ZFR2: variants seen among roughly 807,000 people sequenced by gnomAD.
The protein encoded by ZFR2 is zinc finger RNA-binding protein 2.
In ZFR2, 104 loss-of-function variants were observed where a neutral mutation model predicts 105.7. The ratio of observed to expected loss-of-function variants is 0.98; its 90% CI spans 0.84 to 1.16. The LOEUF (loss-of-function observed/expected upper bound fraction) is 1.16. Among genes scored for constraint, ZFR2 ranks in the 50% most tolerant of loss-of-function variants. ZFR2 has a pLI of 0.00. For synonymous variants in ZFR2, 634 were observed against 597.7 expected (o/e 1.06, Z -0.89); for missense variants, 1,425 against 1,355.5 (o/e 1.05, Z -0.80).
intron 17 of ZFR2, 35 bp downstream of exon 17, chr19:3,808,837 G>A (rs1258989888): frequency 2.7e-6 from 4 of 1,502,982 alleles, no homozygotes; most frequent in African/African-American, 2.8e-5. Context: ...GCGATTTGCC[G>A]CCCACCTCCT....
chr19:3,859,531 G>A (rs890283818), intron 1 of ZFR2, among the ~76,000 whole-genome samples: 6 of 152,276 alleles, frequency 3.9e-5, no homozygotes, highest in East Asian at 1.9e-4. Flanking sequence ...ACTGACTTCC[G>A]TGCCCCGGGA....
intron 1 of ZFR2, among the ~76,000 whole-genome samples, chr19:3,860,197 ATT>A (rs113571842): frequency 0.23 from 31,446 of 134,780 alleles, 3,767 homozygotes; most frequent in East Asian, 0.38. Context: ...TGCCTGGCTA[ATT>A]TTTTTTTTTT....
In ZFR2 at chr19:3,862,479, A is replaced by G. The variant is rs565916722; in HGVS notation, c.53+6486T>C. On this transcript the variant is annotated intron_variant, in intron 1 of 18. Transcript: ENST00000262961. ...CACCCAGGTAATTTTTGGATTTTCAATTGAGATGGGGTTTCACCATGTTGG... is the reference window on the plus strand; with the variant it reads ...CACCCAGGTAATTTTTGGATTTTCAGTTGAGATGGGGTTTCACCATGTTGG... 9.2e-5 allele frequency among the ~76,000 whole-genome samples: 14 copies of G among 152,154 alleles called. No individual in the cohort carries two copies. In the East Asian group the frequency reaches 2.3e-3, roughly 25 times the overall value.
intron 1 of ZFR2, chr19:3,855,389 G>C: frequency 1.6e-6 from 2 of 1,231,708 alleles, no homozygotes; most frequent in Non-Finnish European, 2.0e-6. Context: ...GAAATTCTGT[G>C]TGTACAAAAT....
In ZFR2 at chr19:3,813,819, C is replaced by A. The variant is rs747638720; in HGVS notation, c.2242+1G>T. ...GGTTGGAAGGAAGGGCTGGGCCGCA[C>A]CTGGGTCTGTGGAGGGGTCCTCCCG... On this transcript the variant is annotated splice_donor_variant, in intron 14 of 18. Transcript: ENST00000262961. LOFTEE classifies it high-confidence loss of function. This position sits in a 1 kb window ranked among gnomAD's most constrained non-coding sequence, Gnocchi z 4.4. The A allele has an allele frequency of 6.2e-7, 1 of 1,613,626 alleles. No individual in the cohort carries two copies. Among genetic ancestry groups the A allele is most frequent in the South Asian group, 1.1e-5 (1 of 91,074 alleles).
intron 1 of ZFR2, among the ~76,000 whole-genome samples, chr19:3,836,391 C>T (rs576496926): frequency 1.3e-5 from 2 of 152,264 alleles, no homozygotes; most frequent in Admixed American, 1.3e-4. Context: ...GTGCTACGAT[C>T]ACAGCCCACT....
chr19:3,834,800 G>A lies in ZFR2; in HGVS notation c.237C>T (p.Pro79=), dbSNP rs779729438. ...AYGSRPQEPV[P]TATTMATYQD... Reference sequence around the variant, plus strand: ...GGTAGGTAGCCATGGTGGTGGCCGTGGGGACGGGCTCCTGGGGTCGGCTGC... The same window carrying A: ...GGTAGGTAGCCATGGTGGTGGCCGTAGGGACGGGCTCCTGGGGTCGGCTGC... The change falls in exon 2 of 19, where the codon CCC becomes CCT. Residue 79 remains proline, a synonymous_variant. Transcript: ENST00000262961. The surrounding 1 kb of genome is among the most constrained non-coding windows in gnomAD (Gnocchi z 5.3). The A allele has an allele frequency of 9.3e-6, 15 of 1,612,426 alleles. No individual in the cohort carries two copies. Among genetic ancestry groups the A allele is most frequent in the East Asian group, 2.2e-5 (1 of 44,874 alleles).
At chr19:3,844,953 G>C (rs1254378988) in intron 1 of ZFR2, among the ~76,000 whole-genome samples, 1 of 152,200 alleles carries the variant, frequency 6.6e-6, no homozygotes, top group Non-Finnish European at 1.5e-5. Flanking sequence ...GGGCTGCAGG[G>C]TTGCCCCAGG....
In ZFR2 at chr19:3,832,635, T is replaced by A. The variant is rs921233418; in HGVS notation, c.380-757A>T. Among the ~76,000 whole-genome samples, 415 of 145,852 alleles carry A rather than the reference T, an allele frequency of 2.8e-3. 2 individuals carry two copies. Among genetic ancestry groups the A allele is most frequent in the African/African-American group, 0.011 (392 of 36,736 alleles). ...GCACCCGGCCTTTATTTTGTTTTTTTTTTTTATTTTTTATTTTTTAGAGAC... is the reference window on the plus strand; with the variant it reads ...GCACCCGGCCTTTATTTTGTTTTTTATTTTTATTTTTTATTTTTTAGAGAC... On this transcript the variant is annotated intron_variant, in intron 3 of 18. Transcript: ENST00000262961.
intron 1 of ZFR2, among the ~76,000 whole-genome samples, chr19:3,855,977 C>A: frequency 6.6e-6 from 1 of 152,186 alleles, no homozygotes; most frequent in Non-Finnish European, 1.5e-5. Flanking sequence ...GGAGGAGGGA[C>A]ATGGGCTACG....
chr19:3,808,136 T>G (rs1238924620), intron 17 of ZFR2, among the ~76,000 whole-genome samples: 1 of 149,852 alleles, frequency 6.7e-6, no homozygotes, highest in Non-Finnish European at 1.5e-5. Context: ...CCCGTGCGTA[T>G]GTGTGCCCGT....
chr19:3,845,434 C>A, intron 1 of ZFR2, among the ~76,000 whole-genome samples: 1 of 149,272 alleles, frequency 6.7e-6, no homozygotes, highest in Non-Finnish European at 1.5e-5. Flanking sequence ...CCAGCCTGGG[C>A]AACATAGTGC....
chr19:3,860,706 A>G (rs1269582363), intron 1 of ZFR2, among the ~76,000 whole-genome samples: 1 of 152,156 alleles, frequency 6.6e-6, no homozygotes, highest in Non-Finnish European at 1.5e-5. Context: ...CAGACGCAGG[A>G]CAAGCGACAG....
intron 1 of ZFR2, among the ~76,000 whole-genome samples, chr19:3,843,969 A>T (rs1170256128): frequency 7.9e-6 from 1 of 126,458 alleles, no homozygotes; most frequent in Non-Finnish European, 1.6e-5. Flanking sequence ...CAGTCCTAGG[A>T]GGTCCCTAGA....
At chr19:3,812,031 C>T (rs1331868235) in intron 14 of ZFR2, among the ~76,000 whole-genome samples, 2 of 152,070 alleles carry the variant, frequency 1.3e-5, no homozygotes, top group African/African-American at 2.4e-5. Context: ...GCAACCTCCG[C>T]CTCTCGGGTT....
At chr19:3,861,489 G>A (rs1015504486) in intron 1 of ZFR2, among the ~76,000 whole-genome samples, 3 of 151,822 alleles carry the variant, frequency 2.0e-5, no homozygotes, top group African/African-American at 7.3e-5. Context: ...AGCCTGGTGT[G>A]GTGGTGTTTA....
intron 1 of ZFR2, among the ~76,000 whole-genome samples, chr19:3,868,204 C>G (rs573937017): frequency 6.8e-6 from 1 of 146,662 alleles, no homozygotes; most frequent in Admixed American, 6.7e-5. Context: ...TCTCTCTTAC[C>G]CCCATCAGGG....
chr19:3,823,462 G>C lies in ZFR2; in HGVS notation c.1214-59C>G, dbSNP rs777764847. 1.3e-6 allele frequency: 2 copies of C among 1,512,170 alleles called. No homozygotes were observed. Among genetic ancestry groups the C allele is most frequent in the African/African-American group, 1.4e-5 (1 of 72,182 alleles). 93.7% of individuals were successfully genotyped at this position (1,512,170 alleles called of 1,614,324 possible). ...TCCAGGAGAAAGCACTGCAGCTGCA[G>C]ACCCGCCAGGCGGCATGGGGTGGAG... On this transcript the variant is annotated intron_variant, in intron 7 of 18. Transcript: ENST00000262961. This position sits in a 1 kb window ranked among gnomAD's most constrained non-coding sequence, Gnocchi z 5.4.
intron 6 of ZFR2, among the ~76,000 whole-genome samples, chr19:3,826,350 G>C (rs544308903): frequency 1.3e-5 from 2 of 152,092 alleles, no homozygotes; most frequent in Non-Finnish European, 2.9e-5. Flanking sequence ...CTGACAGCCC[G>C]GGCTACAGCA....
Sources: gnomAD v4.1 joint callset for allele counts (sites outside exome capture counted in the v4.1 genomes callset) on GRCh38, gnomAD v4.1.1 for gene constraint, Gnocchi (gnomAD v3.1) non-coding constraint, MANE v1.5 for transcripts, NCBI Gene and HGNC (gene_info 2026-07-23, HGNC 2026-07-21) for gene names.